ARHGEF4: variants seen among roughly 807,000 people sequenced by gnomAD.
The protein encoded by ARHGEF4 is Rho guanine nucleotide exchange factor 4.
Under a neutral mutation model 162.0 loss-of-function variants are expected in ARHGEF4, and 119 were observed. That is an observed-to-expected ratio of 0.73 (90% CI 0.63 to 0.86). ARHGEF4 has a LOEUF of 0.86. Ranked by LOEUF, ARHGEF4 falls within the 40% of genes least tolerant of loss-of-function variation. The pLI is 0.00. For synonymous variants in ARHGEF4, 1,014 were observed against 979.9 expected (o/e 1.03, Z -0.65); for missense variants, 2,488 against 2,456.0 (o/e 1.01, Z -0.28).
chr2:130,952,240 T>C (rs2105164757), intron 4 of ARHGEF4, among the ~76,000 whole-genome samples: 1 of 152,300 alleles, frequency 6.6e-6, no homozygotes, highest in South Asian at 2.1e-4. Context: ...TTTGTTTATC[T>C]GGGAAAATCC....
chr2:130,849,061 C>T (rs1292856096), intron 1 of ARHGEF4, among the ~76,000 whole-genome samples: 1 of 152,160 alleles, frequency 6.6e-6, no homozygotes. Flanking sequence ...CCTGCTGCCC[C>T]CCTCCTCCTT....
chr2:131,005,088 G>T (rs942952937), intron 4 of ARHGEF4, among the ~76,000 whole-genome samples: 1 of 152,202 alleles, frequency 6.6e-6, no homozygotes, highest in Non-Finnish European at 1.5e-5. Context: ...TGGTGGTGAG[G>T]AGGGAGCCAG....
chr2:131,035,375 G>C, intron 5 of ARHGEF4: 2 of 975,546 alleles, frequency 2.1e-6, no homozygotes, highest in South Asian at 5.2e-5. Flanking sequence ...TCCACCCCAT[G>C]TGCTCACTAC....
intron 3 of ARHGEF4, among the ~76,000 whole-genome samples, chr2:130,931,965 A>T (rs1308834241): frequency 1.3e-5 from 2 of 152,216 alleles, no homozygotes; most frequent in African/African-American, 4.8e-5. Context: ...TGAAGAATTC[A>T]TTGGCATTTA....
At chr2:130,996,994 T>G (rs962551710) in intron 4 of ARHGEF4, among the ~76,000 whole-genome samples, 2 of 152,226 alleles carry the variant, frequency 1.3e-5, no homozygotes, top group East Asian at 1.9e-4. Context: ...TGCAAATATA[T>G]TCTCACAGTC....
rs1052025924 is a variant in ARHGEF4 at position 130,916,613 on chromosome 2, C to G, written c.2667C>G (p.Ser889=). ...GGGATCTTGGTAGCCGAGGGCCTTC[C>G]TCTGAGAGCTGCAACGCAAAGAGAC... ...TSGDLGSRGP[S]SESCNAKRLK... is the part of the protein sequence containing the mutation. The change falls in exon 2 of 14, where the codon TCC becomes TCG. Residue 889 remains serine, a synonymous_variant. Coordinates refer to ENST00000409359, the MANE Select transcript of ARHGEF4 (RefSeq NM_001367493.1). 16 of 1,550,440 alleles carry G rather than the reference C, an allele frequency of 1.0e-5. No homozygotes were observed. Among genetic ancestry groups the G allele is most frequent in the Admixed American group, 2.0e-5 (1 of 50,986 alleles).
chr2:130,949,602 TC>T lies in ARHGEF4; in HGVS notation c.3985+2968del, dbSNP rs559400786. Among the ~76,000 whole-genome samples the T allele has an allele frequency of 2.2e-3, 336 of 152,188 alleles. 4 individuals are homozygous for T. The highest frequency in any genetic ancestry group is 7.9e-3 in the African/African-American group (328 of 41,534). On this transcript the variant is annotated intron_variant, in intron 4 of 13. Coordinates refer to ENST00000409359, the MANE Select transcript of ARHGEF4 (RefSeq NM_001367493.1). ...ATCTCCTGACCTCGTGATCCGCCTG[TC>T]TTGGCCTCCCAAAGTGCTGGGATTA...
Position 130,916,343 on chromosome 2 carries a change from C to T in ARHGEF4, c.2397C>T (p.Ser799=), listed in dbSNP as rs1681494025. ...GCCCGACGTTTTCCAAGGTGACCTCCTTCAGGAAGGGCAGGCCCTTGGCCA... is the reference window on the plus strand; with the variant it reads ...GCCCGACGTTTTCCAAGGTGACCTCTTTCAGGAAGGGCAGGCCCTTGGCCA... ...GKRPTFSKVT[S]FRKGRPLATE... is the part of the protein sequence containing the mutation. Residue 799 remains serine, a synonymous_variant, in exon 2 of 14, where the codon TCC becomes TCT. Coordinates refer to ENST00000409359, the MANE Select transcript of ARHGEF4 (RefSeq NM_001367493.1). The T allele has an allele frequency of 6.5e-7, 1 of 1,543,526 alleles. No individual in the cohort carries two copies. Among genetic ancestry groups the T allele is most frequent in the Non-Finnish European group, 8.7e-7 (1 of 1,145,492 alleles).
At chr2:130,839,298 C>T (rs1680436975) in intron 1 of ARHGEF4, among the ~76,000 whole-genome samples, 1 of 152,100 alleles carries the variant, frequency 6.6e-6, no homozygotes, top group African/African-American at 2.4e-5. Flanking sequence ...TCCTGGTGTC[C>T]CCAGGGATTG....
intron 9 of ARHGEF4, 127 bp downstream of exon 9, chr2:131,041,589 C>T: frequency 8.9e-7 from 1 of 1,128,498 alleles, no homozygotes; most frequent in South Asian, 1.5e-5. Flanking sequence ...CTAGCCCTGT[C>T]CTGATGAGCT....
chr2:130,997,581 C>T (rs10185789), intron 4 of ARHGEF4, among the ~76,000 whole-genome samples: 44,270 of 151,998 alleles, frequency 0.29, 7,711 homozygotes, highest in African/African-American at 0.49. Flanking sequence ...ATAGAGTGTG[C>T]GCCGCGGATT....
intron 4 of ARHGEF4, among the ~76,000 whole-genome samples, chr2:130,985,749 G>T (rs1263279564): frequency 1.3e-5 from 2 of 152,010 alleles, no homozygotes; most frequent in Non-Finnish European, 2.9e-5. Context: ...TGTGTGTGTG[G>T]TGTGTGTTGT....
At position 130,916,235 on chromosome 2, in the gene ARHGEF4, G is replaced by A. The variant is rs900795447; in HGVS notation, c.2289G>A (p.Arg763=). ...EAPEGGAAAA[R]GQRPRVPALE... The stretch of plus-strand genomic sequence containing the variant: ...CCGAAGGCGGTGCTGCAGCAGCCCG[G>A]GGCCAGCGCCCCCGCGTCCCCGCCT... The change falls in exon 2 of 14, where the codon CGG becomes CGA. Residue 763 remains arginine, a synonymous_variant. Transcript: ENST00000409359. 1.3e-6 allele frequency: 2 copies of A among 1,532,506 alleles called. No individual in the cohort carries two copies. The highest frequency in any genetic ancestry group is 2.1e-5 in the Admixed American group (1 of 48,164). 94.9% of individuals were successfully genotyped at this position (1,532,506 alleles called of 1,614,324 possible). A position where few individuals can be genotyped will look rare whatever the true frequency, so the allele number is the denominator to read the frequency against.
intron 3 of ARHGEF4, among the ~76,000 whole-genome samples, chr2:130,940,484 A>G (rs1683219868): frequency 6.6e-6 from 1 of 151,328 alleles, no homozygotes; most frequent in Non-Finnish European, 1.5e-5. Context: ...TTTAGTAGAG[A>G]CGGGATTTCA....
chr2:130,972,355 C>A (rs1685422959), intron 4 of ARHGEF4, among the ~76,000 whole-genome samples: 1 of 152,120 alleles, frequency 6.6e-6, no homozygotes, highest in Non-Finnish European at 1.5e-5. Context: ...AAAAGGAGAT[C>A]CTTATATTCC....
At position 130,914,933 on chromosome 2, in the gene ARHGEF4, G is replaced by A; in HGVS notation, c.987G>A (p.Gly329=). 1 of 1,540,862 alleles carries A rather than the reference G, an allele frequency of 6.5e-7. No homozygotes were observed. Among genetic ancestry groups the A allele is most frequent in the Non-Finnish European group, 8.8e-7 (1 of 1,141,364 alleles). Reference sequence around the variant, plus strand: ...GGGCATCCCCCAGACTCAACTGTGGGCACATGAGGGCACTGGTCAGGGCCC... The same window carrying A: ...GGGCATCCCCCAGACTCAACTGTGGACACATGAGGGCACTGGTCAGGGCCC... ...KNRASPRLNC[G]HMRALVRAHS... Residue 329 remains glycine (G), a synonymous_variant, in exon 2 of 14, where the codon GGG becomes GGA. Coordinates refer to ENST00000409359, the MANE Select transcript of ARHGEF4 (RefSeq NM_001367493.1).
intron 3 of ARHGEF4, among the ~76,000 whole-genome samples, chr2:130,936,652 T>C (rs560828829): frequency 2.6e-5 from 4 of 152,254 alleles, no homozygotes; most frequent in Middle Eastern, 6.8e-3. Flanking sequence ...GTTAATCTTA[T>C]TCAGAATCCC....
chr2:130,987,679 G>A (rs1424174274), intron 4 of ARHGEF4, among the ~76,000 whole-genome samples: 3 of 152,104 alleles, frequency 2.0e-5, no homozygotes, highest in Non-Finnish European at 4.4e-5. Context: ...GTCCGCACTC[G>A]ACCCAGGAAG....
chr2:131,006,817 T>G (rs1276802216), intron 4 of ARHGEF4, among the ~76,000 whole-genome samples: 1 of 152,084 alleles, frequency 6.6e-6, no homozygotes, highest in Non-Finnish European at 1.5e-5. Flanking sequence ...AAAGACCAAG[T>G]CCAAGTCATG....
Sources: gnomAD v4.1 joint callset for allele counts (sites outside exome capture counted in the v4.1 genomes callset) on GRCh38, gnomAD v4.1.1 for gene constraint, MANE v1.5 for transcripts, NCBI Gene and HGNC (gene_info 2026-07-23, HGNC 2026-07-21) for gene names.